Variants in ZFR2 observed in about 807,000 individuals in gnomAD.
ZFR2 encodes the protein zinc finger RNA-binding protein 2.
Under a neutral mutation model 105.7 loss-of-function variants are expected in ZFR2, and 104 were observed. The observed-to-expected ratio is 0.98, with a 90% CI of 0.84 to 1.16. ZFR2 has a LOEUF of 1.16. ZFR2 is among the 50% of genes most tolerant of loss of function. The pLI is 0.00. For synonymous variants in ZFR2, 634 were observed against 597.7 expected, an observed-to-expected ratio of 1.06 and a Z score of -0.89; for missense variants, 1,425 against 1,355.5, an observed-to-expected ratio of 1.05 and a Z score of -0.80.
chr19:3,806,323 C>A (rs906844602), intron 18 of ZFR2, among the ~76,000 whole-genome samples, 198 bp from the exon 19 acceptor site: 9 of 152,134 alleles, frequency 5.9e-5, no homozygotes, highest in African/African-American at 1.9e-4. Flanking sequence ...AGTGCAGTGG[C>A]GCGATCTCAG....
At chr19:3,818,255 C>T (rs1357176931) in intron 12 of ZFR2, among the ~76,000 whole-genome samples, 2 of 152,200 alleles carry the variant, frequency 1.3e-5, no homozygotes, top group Non-Finnish European at 2.9e-5. Flanking sequence ...CGCTTGAGCC[C>T]GGGAGTTCAA....
chr19:3,805,749 A>T lies in ZFR2; in HGVS notation c.*200T>A. The T allele has an allele frequency of 1.8e-6, 1 of 561,758 alleles. No homozygotes were observed. The highest frequency in any genetic ancestry group is 3.5e-5 in the East Asian group (1 of 28,810). 34.8% of individuals were successfully genotyped at this position (561,758 alleles called of 1,614,324 possible). ...TTGAACTCTCAGGCTCAAGCAACTCAGCCTCCCAAAGTGCTGGGATTAAAG... is the reference window on the plus strand; with the variant it reads ...TTGAACTCTCAGGCTCAAGCAACTCTGCCTCCCAAAGTGCTGGGATTAAAG... On this transcript the variant is annotated 3_prime_UTR_variant, in exon 19 of 19. Transcript: ENST00000262961.
At chr19:3,851,126 C>G (rs980182392) in intron 1 of ZFR2, among the ~76,000 whole-genome samples, 1 of 151,942 alleles carries the variant, frequency 6.6e-6, no homozygotes, top group Admixed American at 6.6e-5. Flanking sequence ...AAGCCCCAGC[C>G]GACCAAGACA....
intron 1 of ZFR2, among the ~76,000 whole-genome samples, chr19:3,837,573 A>G (rs2038090710): frequency 6.7e-6 from 1 of 150,332 alleles, no homozygotes; most frequent in African/African-American, 2.5e-5. Flanking sequence ...GTGACACCCA[A>G]TGAACACCGT....
Position 3,827,648 on chromosome 19 carries a change from G to A in ZFR2, c.858C>T (p.Tyr286=), listed in dbSNP as rs2037966469. 1 of 1,577,536 alleles carries A rather than the reference G, an allele frequency of 6.3e-7. No individual in the cohort carries two copies. The highest frequency in any genetic ancestry group is 2.3e-5 in the East Asian group (1 of 42,790). The part of the protein sequence containing the change: ...CKISCAGPQT[Y]REHLGGQKHR... ...GCTTCTGCCCTCCCAGATGTTCCCG[G>A]TAGGTCTGCGGCAAGGGGTGAGAGG... Residue 286 remains tyrosine, a synonymous_variant, in exon 6 of 19, where the codon TAC becomes TAT. Coordinates refer to ENST00000262961, the MANE Select transcript of ZFR2 (RefSeq NM_015174.2).
Position 3,823,432 on chromosome 19 carries a change from C to T in ZFR2, c.1214-29G>A. 1 of 1,563,632 alleles carries T rather than the reference C, an allele frequency of 6.4e-7. No homozygotes were observed. The highest frequency in any genetic ancestry group is 2.3e-5 in the East Asian group (1 of 44,352). On this transcript the variant is annotated intron_variant, in intron 7 of 18. Coordinates refer to ENST00000262961, the MANE Select transcript of ZFR2 (RefSeq NM_015174.2). This position sits in a 1 kb window ranked among gnomAD's most constrained non-coding sequence, Gnocchi z 5.4. ...AGGGGAAAAACCATGTCACTTATAC[C>T]CTGTTCCAGGAGAAAGCACTGCAGC...
Position 3,810,764 on chromosome 19 carries a change from C to T in ZFR2, c.2419G>A (p.Ala807Thr), listed in dbSNP as rs1359915056. 17 of 1,548,748 alleles carry T rather than the reference C, an allele frequency of 1.1e-5. No individual in the cohort carries two copies. Among genetic ancestry groups the T allele is most frequent in the Non-Finnish European group, 1.5e-5 (17 of 1,146,096 alleles). ...DLCRRVPTWG[A>T]LPAWAMELLV... ...CACTGCCTTACCCAGGCTGGCAGGGCCCCCCAGGTGGGCACACGCCGGCAG... is the reference window on the plus strand; with the variant it reads ...CACTGCCTTACCCAGGCTGGCAGGGTCCCCCAGGTGGGCACACGCCGGCAG... The change falls in exon 16 of 19, where the codon GCC becomes ACC. Residue 807 changes from alanine to threonine, a missense_variant. Physicochemically the swap from Ala to Thr is moderately conservative, Grantham distance 58 (BLOSUM62 0). Transcript: ENST00000262961.
At chr19:3,843,659 T>C (rs12981471) in intron 1 of ZFR2, among the ~76,000 whole-genome samples, 93,086 of 151,280 alleles carry the variant, frequency 0.62, 29,119 homozygotes, top group African/African-American at 0.74. Context: ...GGTGAAACCC[T>C]GTCTCTACTA....
At chr19:3,807,961 GTGTGTGCCCGTGCGTGCT>G (rs1277780168) in intron 17 of ZFR2, among the ~76,000 whole-genome samples, 6 of 146,912 alleles carry the variant, frequency 4.1e-5, no homozygotes, top group African/African-American at 1.5e-4. Flanking sequence ...ACTCATGTCT[GTGTGTGCCCGTGCGTGCT>G]TGTGTGCCCG....
Position 3,819,208 on chromosome 19 carries a change from C to T in ZFR2, c.1768G>A (p.Asp590Asn), listed in dbSNP as rs371834934. ...QPGRRPASSD[D>N]RHVMCKHATI... ...GCGTGCTTGCACATGACGTGCCGGT[C>T]GTCGCTGGACGCCGGCCGCCGCCCG... Residue 590 changes from aspartate to asparagine, a missense_variant, in exon 12 of 19, where the codon GAC (aspartate) becomes AAC (asparagine). Transcript: ENST00000262961. 416 of 1,561,928 alleles carry T rather than the reference C, an allele frequency of 2.7e-4. No individual in the cohort carries two copies. In the African/African-American group the frequency reaches 5.1e-3, roughly 19 times the overall value.
chr19:3,818,520 G>GACTTT lies in ZFR2; in HGVS notation c.1931+524_1931+525insAAAGT. 1.3e-5 allele frequency among the ~76,000 whole-genome samples: 2 copies of GACTTT among 152,242 alleles called. 1 individual carries two copies. The highest frequency in any genetic ancestry group is 4.1e-4 in the South Asian group (2 of 4,824). Reference sequence around the variant, plus strand: ...ACAACAAACAGCAGCTGCCAGAGCAGGAAAGGACTTTGAAAAAAGGTAACT... The same window carrying GACTTT: ...ACAACAAACAGCAGCTGCCAGAGCAGACTTTGAAAGGACTTTGAAAAAAGGTAACT... On this transcript the variant is annotated intron_variant, in intron 12 of 18. Coordinates refer to ENST00000262961, the MANE Select transcript of ZFR2 (RefSeq NM_015174.2).
intron 1 of ZFR2, among the ~76,000 whole-genome samples, chr19:3,862,192 G>A (rs987846561): frequency 1.3e-5 from 2 of 152,114 alleles, no homozygotes; most frequent in African/African-American, 4.8e-5. Context: ...CCACACAAGA[G>A]ACAAATACAA....
At position 3,856,710 on chromosome 19, in the gene ZFR2, C is replaced by G. The variant is rs138687017; in HGVS notation, c.53+12255G>C. On this transcript the variant is annotated intron_variant, in intron 1 of 18. Coordinates refer to ENST00000262961, the MANE Select transcript of ZFR2 (RefSeq NM_015174.2). ...GGGCCCAGCATGTGGCAGGAGCTTA[C>G]GATGTAGCCCAGGGTAGCCAGAGTT... Among the ~76,000 whole-genome samples, 349 of 152,218 alleles carry G rather than the reference C, an allele frequency of 2.3e-3. 3 individuals carry two copies. Among genetic ancestry groups the G allele is most frequent in the African/African-American group, 8.1e-3 (337 of 41,532 alleles).
rs2038196988 is a variant in ZFR2, at chr19:3,847,668, T to C, written c.54-12685A>G. 2.0e-5 allele frequency among the ~76,000 whole-genome samples: 3 copies of C among 152,224 alleles called. No homozygotes were observed. The South Asian group carries it at 6.2e-4, about 31-fold the overall frequency. The stretch of plus-strand genomic sequence containing the variant: ...GGGGAGAGGCTCAGGCCTCACCTTT[T>C]GAAGGAAGGCATAGGGAACAATTTG... On this transcript the variant is annotated intron_variant, in intron 1 of 18. Coordinates refer to ENST00000262961, the MANE Select transcript of ZFR2 (RefSeq NM_015174.2).
At chr19:3,817,402 T>C (rs1179979139) in intron 12 of ZFR2, among the ~76,000 whole-genome samples, 2 of 151,434 alleles carry the variant, frequency 1.3e-5, no homozygotes, top group Non-Finnish European at 1.5e-5. Context: ...CTAATAAAAA[T>C]ATAAGAATTA....
At chr19:3,837,087 C>T (rs960010110) in intron 1 of ZFR2, among the ~76,000 whole-genome samples, 9 of 152,132 alleles carry the variant, frequency 5.9e-5, no homozygotes, top group African/African-American at 1.7e-4. Context: ...GTGTCAGGGC[C>T]GGGGACAAGG....
intron 1 of ZFR2, among the ~76,000 whole-genome samples, chr19:3,857,688 C>G (rs540606202): frequency 7.8e-6 from 1 of 127,856 alleles, no homozygotes; most frequent in Non-Finnish European, 1.6e-5. Context: ...GAAGCGAGAC[C>G]CTGTCTCAAA....
At chr19:3,868,867 G>A (rs964269444) in intron 1 of ZFR2, 98 bp downstream of exon 1, 2 of 1,029,168 alleles carry the variant, frequency 1.9e-6, no homozygotes, top group African/African-American at 1.7e-5. Context: ...TGGGACTGGG[G>A]CCGGGCCGGG....
intron 1 of ZFR2, among the ~76,000 whole-genome samples, chr19:3,863,644 G>A (rs1485066849): frequency 2.0e-5 from 3 of 152,104 alleles, no homozygotes; most frequent in African/African-American, 2.4e-5. Flanking sequence ...ATCTGACCGG[G>A]CCCTGAACTA....
Sources: allele counts gnomAD v4.1 joint callset (sites outside exome capture counted in the v4.1 genomes callset), GRCh38; gene constraint gnomAD v4.1.1; non-coding constraint Gnocchi (gnomAD v3.1); transcripts MANE v1.5; gene names NCBI Gene and HGNC (gene_info 2026-07-23, HGNC 2026-07-21).